GSAP: variants seen among roughly 807,000 people sequenced by gnomAD.
The protein encoded by GSAP is gamma-secretase-activating protein.
In GSAP, 118 loss-of-function variants were observed where a neutral mutation model predicts 131.7. The ratio of observed to expected loss-of-function variants is 0.90; its 90% CI spans 0.77 to 1.04. GSAP has a LOEUF of 1.04. GSAP is among the 50% of genes least tolerant of loss of function. The probability of loss-of-function intolerance (pLI) is 0.00; values close to 1 mark genes in which losing one functional copy is unlikely to be tolerated. For missense variants in GSAP, 1,019 were observed against 1,013.2 expected (o/e 1.01, Z -0.08); for synonymous variants, 381 against 363.4 (o/e 1.05, Z -0.55).
At chr7:77,353,062 A>C (rs374730427) in intron 17 of GSAP, 36 bp from the exon 18 acceptor site, 1 of 1,149,756 alleles carries the variant, frequency 8.7e-7, no homozygotes, top group African/African-American at 1.5e-5. Flanking sequence ...GGGAAAAAAG[A>C]TGTGGTTTAA....
chr7:77,367,138 G>GTT (rs1358123619), intron 12 of GSAP, among the ~76,000 whole-genome samples: 1 of 152,182 alleles, frequency 6.6e-6, no homozygotes, highest in East Asian at 1.9e-4. Context: ...AGACTATGGG[G>GTT]TTTTCTACAG....
At chr7:77,376,775 CA>C (rs10649095) in intron 10 of GSAP, 72 bp downstream of exon 10, 87,404 of 447,312 alleles carry the variant, frequency 0.2, 1,329 homozygotes, top group Non-Finnish European at 0.22. Context: ...GACTCCATCT[CA>C]AAAAAAAAAA....
intron 1 of GSAP, among the ~76,000 whole-genome samples, chr7:77,407,847 C>T (rs1023889892): frequency 2.0e-5 from 3 of 152,104 alleles, no homozygotes; most frequent in African/African-American, 7.2e-5. Context: ...ATTGCCCAAA[C>T]CAGAAACCCA....
At position 77,391,207 on chromosome 7, in the gene GSAP, A is replaced by T. The variant is rs561792220; in HGVS notation, c.368-3759T>A. On this transcript the variant is annotated intron_variant, in intron 5 of 30. Transcript: ENST00000257626. ...TTTTTTTAAGCAGGAATTTGTACCC[A>T]AAGGAGACAGCCAGCTATCAGCAAG... Among the ~76,000 whole-genome samples the T allele has an allele frequency of 7.3e-5, 11 of 151,416 alleles. No homozygotes were observed. In the South Asian group the frequency reaches 2.3e-3, roughly 32 times the overall value.
At chr7:77,414,782 CAG>C (rs2151241505) in intron 1 of GSAP, among the ~76,000 whole-genome samples, 1 of 146,176 alleles carries the variant, frequency 6.8e-6, no homozygotes, top group Non-Finnish European at 1.5e-5. Flanking sequence ...TAGTAGAAGA[CAG>C]AGCTGCCTGT....
chr7:77,325,442 T>C (rs1788197730), intron 23 of GSAP, among the ~76,000 whole-genome samples: 1 of 152,248 alleles, frequency 6.6e-6, no homozygotes, highest in African/African-American at 2.4e-5. Context: ...ATCAGCTTTT[T>C]AAAGGTTTTG....
At chr7:77,344,057 G>A (rs927553101) in intron 19 of GSAP, among the ~76,000 whole-genome samples, 2 of 152,100 alleles carry the variant, frequency 1.3e-5, no homozygotes, top group East Asian at 3.9e-4. Context: ...ACACCTCTTG[G>A]TCTGGGTAGA....
At chr7:77,402,917 T>A (rs141277046) in intron 3 of GSAP, among the ~76,000 whole-genome samples, 145 of 152,256 alleles carry the variant, frequency 9.5e-4, no homozygotes, top group African/African-American at 3.2e-3. Context: ...AAACAGCCAC[T>A]CTGGAGGGAA....
intron 8 of GSAP, among the ~76,000 whole-genome samples, 153 bp from the exon 9 acceptor site, chr7:77,377,543 C>T (rs1025387946): frequency 4.6e-5 from 7 of 152,002 alleles, no homozygotes; most frequent in African/African-American, 1.7e-4. Flanking sequence ...CCCTAGTATA[C>T]ACAGTCTTTC....
At chr7:77,395,240 A>G (rs1800171174) in intron 5 of GSAP, among the ~76,000 whole-genome samples, 1 of 152,210 alleles carries the variant, frequency 6.6e-6, no homozygotes, top group Non-Finnish European at 1.5e-5. Context: ...GGCTAAAAAA[A>G]TAAGGCTCAA....
intron 19 of GSAP, chr7:77,330,732 C>T: frequency 1.0e-6 from 1 of 988,984 alleles, no homozygotes; most frequent in Middle Eastern, 5.2e-4. Context: ...GTTTTTATGA[C>T]TTAGGTGGTG....
chr7:77,373,960 A>G lies in GSAP; in HGVS notation c.871+110T>C, dbSNP rs80178340. 2,467 of 697,880 alleles carry G rather than the reference A, an allele frequency of 3.5e-3. 43 individuals are homozygous for G. The African/African-American group carries it at 0.04, about 11-fold the overall frequency. The allele number at this position is 697,880 out of a possible 1,614,324, so 43.2% of individuals were successfully genotyped here. Reference sequence around the variant, plus strand: ...TGACAATCCATATGATCACCGACATAAAAATGTAGCTCTGTTCTATTTTCA... The same window carrying G: ...TGACAATCCATATGATCACCGACATGAAAATGTAGCTCTGTTCTATTTTCA... On this transcript the variant is annotated intron_variant, in intron 12 of 30. Transcript: ENST00000257626.
Position 77,406,188 on chromosome 7 carries a change from TATAA to T in GSAP, c.110-87_110-84del, listed in dbSNP as rs527827660. On this transcript the variant is annotated intron_variant, in intron 1 of 30. Coordinates refer to ENST00000257626, the MANE Select transcript of GSAP (RefSeq NM_017439.4). ...CAATATATTAGTGAAGGAAGCCAAATATAAATATATACTAATAATTCTATTATAT... is the reference window on the plus strand; with the variant it reads ...CAATATATTAGTGAAGGAAGCCAAATATATATACTAATAATTCTATTATAT... 2.5e-4 allele frequency: 176 copies of T among 699,902 alleles called. 1 individual carries two copies. In the African/African-American group the frequency reaches 3.1e-3, roughly 12 times the overall value. 43.4% of individuals were successfully genotyped at this position (699,902 alleles called of 1,614,324 possible).
At chr7:77,337,308 G>GA (rs1227200151) in intron 19 of GSAP, among the ~76,000 whole-genome samples, 8 of 150,312 alleles carry the variant, frequency 5.3e-5, no homozygotes, top group African/African-American at 1.5e-4. Context: ...GGGTGGGGGG[G>GA]GGGTTACAGG....
chr7:77,366,288 CTT>C (rs1254541580), intron 12 of GSAP, among the ~76,000 whole-genome samples: 2 of 152,042 alleles, frequency 1.3e-5, no homozygotes, highest in Admixed American at 6.6e-5. Context: ...CTTTTGATGT[CTT>C]TGTTATGAAA....
chr7:77,362,434 C>G, intron 13 of GSAP, 149 bp downstream of exon 13: 1 of 587,328 alleles, frequency 1.7e-6, no homozygotes, highest in East Asian at 2.8e-5. Flanking sequence ...CTTCAGTGAG[C>G]AGTATTCATG....
intron 27 of GSAP, 134 bp from the exon 28 acceptor site, chr7:77,313,683 A>C (rs551708054): frequency 2.8e-5 from 14 of 494,958 alleles, no homozygotes; most frequent in African/African-American, 2.6e-4. Flanking sequence ...ATCTAACAGC[A>C]TTTTGGAAAT....
At chr7:77,410,179 A>T (rs1803024836) in intron 1 of GSAP, among the ~76,000 whole-genome samples, 1 of 152,206 alleles carries the variant, frequency 6.6e-6, no homozygotes, top group Non-Finnish European at 1.5e-5. Context: ...AAAGAAATAA[A>T]AATAATGTTT....
At position 77,312,133 on chromosome 7, in the gene GSAP, C is replaced by A; in HGVS notation, c.2341G>T (p.Val781Leu). 6.2e-7 allele frequency: 1 copy of A among 1,602,872 alleles called. No individual in the cohort carries two copies. The highest frequency in any genetic ancestry group is 8.5e-7 in the Non-Finnish European group (1 of 1,175,276). The stretch of plus-strand genomic sequence containing the variant: ...TTATAGTTCTGAAGCAGTCGCGTCA[C>A]GTGGTTCCGCGAAATGATGTTAGAA... The part of the protein sequence containing the change: ...MSSNIISRNH[V>L]TRLLQNYKKQ... The change falls in exon 29 of 31, where the codon GTG (valine) becomes TTG (leucine). Residue 781 changes from valine (V) to leucine (L), a missense_variant. By Grantham distance (32) the Val-to-Leu change is conservative. Coordinates refer to ENST00000257626, the MANE Select transcript of GSAP (RefSeq NM_017439.4).
Sources: gnomAD v4.1 joint callset for allele counts (sites outside exome capture counted in the v4.1 genomes callset) on GRCh38, gnomAD v4.1.1 for gene constraint, MANE v1.5 for transcripts, NCBI Gene and HGNC (gene_info 2026-07-23, HGNC 2026-07-21) for gene names.